FOXN3: variants seen among roughly 807,000 people sequenced by gnomAD.
FOXN3 encodes the protein forkhead box N3, also known as forkhead box protein N3.
In FOXN3, 7 loss-of-function variants were observed where a neutral mutation model predicts 38.4. The ratio of observed to expected loss-of-function variants is 0.18; its 90% CI spans 0.10 to 0.34. The LOEUF is 0.34. Among genes scored for constraint, FOXN3 ranks in the 10% least tolerant of loss-of-function variants. The pLI, the probability that FOXN3 is intolerant of heterozygous loss-of-function variation, is 1.00. For synonymous variants in FOXN3, 230 were observed against 242.2 expected (o/e 0.95, Z 0.47); for missense variants, 456 against 613.4 (o/e 0.74, Z 2.71).
chr14:89,204,990 C>T (rs1189023754), intron 4 of FOXN3, among the ~76,000 whole-genome samples: 1 of 142,022 alleles, frequency 7.0e-6, no homozygotes, highest in Non-Finnish European at 1.5e-5. Context: ...AATTATAGTG[C>T]AAGAGCTGAT....
chr14:89,335,204 C>T (rs61984660), intron 3 of FOXN3, among the ~76,000 whole-genome samples: 27,251 of 151,974 alleles, frequency 0.18, 2,829 homozygotes, highest in South Asian at 0.3. Context: ...TCACACTGTA[C>T]GCCTTAAATA....
At chr14:89,297,415 C>A (rs1244180234) in intron 3 of FOXN3, among the ~76,000 whole-genome samples, 1 of 152,012 alleles carries the variant, frequency 6.6e-6, no homozygotes, top group Non-Finnish European at 1.5e-5. Context: ...AAAAAATTAG[C>A]CGGGCGTGGT....
chr14:89,221,162 G>A (rs1273986979), intron 4 of FOXN3, among the ~76,000 whole-genome samples: 1 of 152,136 alleles, frequency 6.6e-6, no homozygotes, highest in African/African-American at 2.4e-5. Flanking sequence ...ACTAAATGTA[G>A]CGTGGATTTT....
intron 4 of FOXN3, among the ~76,000 whole-genome samples, chr14:89,234,773 G>C (rs936695743): frequency 3.7e-4 from 55 of 150,062 alleles, no homozygotes; most frequent in African/African-American, 1.3e-3. Context: ...AAGGAAAGTG[G>C]AGTTCTCTCC....
chr14:89,506,088 G>A (rs1893922662), intron 1 of FOXN3, among the ~76,000 whole-genome samples: 1 of 133,724 alleles, frequency 7.5e-6, no homozygotes, highest in African/African-American at 2.9e-5. Flanking sequence ...TCAGCCCCCC[G>A]CCCGGCCAGC....
intron 3 of FOXN3, among the ~76,000 whole-genome samples, chr14:89,336,448 T>C (rs1381297128): frequency 1.3e-5 from 2 of 152,162 alleles, no homozygotes; most frequent in East Asian, 1.9e-4. Flanking sequence ...ATTCTTCCTT[T>C]CCAAAGCTCA....
At chr14:89,401,236 GT>G (rs3837631) in intron 2 of FOXN3, among the ~76,000 whole-genome samples, 18,626 of 152,160 alleles carry the variant, frequency 0.12, 1,362 homozygotes, top group East Asian at 0.33. Flanking sequence ...GAGGTCAGGA[GT>G]TCAAGACCAG....
intron 5 of FOXN3, among the ~76,000 whole-genome samples, chr14:89,173,472 T>C (rs1287017749): frequency 6.6e-6 from 1 of 152,216 alleles, no homozygotes; most frequent in African/African-American, 2.4e-5. Flanking sequence ...CTTAAATGAA[T>C]CTGAGACATG....
intron 1 of FOXN3, among the ~76,000 whole-genome samples, chr14:89,529,864 C>T (rs1248830264): frequency 2.0e-5 from 3 of 152,008 alleles, no homozygotes; most frequent in Non-Finnish European, 2.9e-5. Flanking sequence ...GCTATGAGTG[C>T]ACCACTGCAC....
At chr14:89,538,135 G>A (rs1277435793) in intron 1 of FOXN3, among the ~76,000 whole-genome samples, 1 of 152,186 alleles carries the variant, frequency 6.6e-6, no homozygotes, top group South Asian at 2.1e-4. Flanking sequence ...CAAAGAGGGG[G>A]TTAATCACTT....
At chr14:89,359,951 T>A (rs1889393386) in intron 2 of FOXN3, among the ~76,000 whole-genome samples, 1 of 152,128 alleles carries the variant, frequency 6.6e-6, no homozygotes, top group Non-Finnish European at 1.5e-5. Flanking sequence ...CACTTCCTCA[T>A]CACCAAAAGA....
Position 89,248,992 on chromosome 14 carries a change from C to T in FOXN3, c.745+31958G>A, listed in dbSNP as rs149214022. ...GTGCATCCTGGCATTATACCCTCCA[C>T]GTATACAAGCCTGTGCCTGCACAAA... is the stretch of plus-strand genomic sequence containing the variant. On this transcript the variant is annotated intron_variant, in intron 4 of 5. Coordinates refer to ENST00000557258, the MANE Select transcript of FOXN3 (RefSeq NM_005197.4). Among the ~76,000 whole-genome samples the T allele has an allele frequency of 1.8e-3, 271 of 152,330 alleles. 2 individuals are homozygous for T. The highest frequency in any genetic ancestry group is 6.2e-3 in the African/African-American group (257 of 41,576).
chr14:89,474,147 T>A (rs904253049), intron 1 of FOXN3, among the ~76,000 whole-genome samples: 3 of 152,238 alleles, frequency 2.0e-5, no homozygotes, highest in Non-Finnish European at 4.4e-5. Context: ...TTAGCCATCA[T>A]TACTTTTTTC....
chr14:89,429,287 T>C (rs1892110152), intron 1 of FOXN3, among the ~76,000 whole-genome samples: 1 of 152,232 alleles, frequency 6.6e-6, no homozygotes, highest in Non-Finnish European at 1.5e-5. Context: ...ATACTCAGAA[T>C]TGAAACAGTT....
chr14:89,608,828 T>A (rs1787270842), intron 1 of FOXN3, among the ~76,000 whole-genome samples: 1 of 152,260 alleles, frequency 6.6e-6, no homozygotes, highest in South Asian at 2.1e-4. Context: ...GGGAACTGTT[T>A]GGATTAGCAG....
chr14:89,431,770 A>G (rs374256030), intron 1 of FOXN3, among the ~76,000 whole-genome samples: 42 of 152,220 alleles, frequency 2.8e-4, no homozygotes, highest in African/African-American at 8.9e-4. Context: ...GCTGGAGTGC[A>G]ATGGCACAAT....
At chr14:89,556,440 T>A (rs1246611309) in intron 1 of FOXN3, among the ~76,000 whole-genome samples, 1 of 151,252 alleles carries the variant, frequency 6.6e-6, no homozygotes, top group Non-Finnish European at 1.5e-5. Flanking sequence ...AGACTCACTA[T>A]GTGCCTCATC....
chr14:89,474,861 G>C (rs993408051), intron 1 of FOXN3, among the ~76,000 whole-genome samples: 2 of 151,842 alleles, frequency 1.3e-5, no homozygotes, highest in African/African-American at 4.8e-5. Context: ...TATCACCCAG[G>C]CTGGAGTGCA....
chr14:89,219,223 G>A (rs768421253), intron 4 of FOXN3, among the ~76,000 whole-genome samples: 4 of 152,100 alleles, frequency 2.6e-5, no homozygotes, highest in Admixed American at 6.6e-5. Flanking sequence ...GAGTTCTCAC[G>A]AGATCTGATG....
Sources: gnomAD v4.1 joint callset for allele counts (sites outside exome capture counted in the v4.1 genomes callset) on GRCh38, gnomAD v4.1.1 for gene constraint, MANE v1.5 for transcripts, NCBI Gene and HGNC (gene_info 2026-07-23, HGNC 2026-07-21) for gene names.